The following CHD1 variants were observed in gnomAD, a reference collection of about 807,000 sequenced individuals.
CHD1 encodes the protein ATP-dependent chromatin remodeler CHD1.
Under a neutral mutation model 224.2 loss-of-function variants are expected in CHD1, and 36 were observed. The observed-to-expected ratio is 0.16, with a 90% confidence interval of 0.12 to 0.21. The LOEUF is 0.21. CHD1 is among the 10% of genes least tolerant of loss of function. The pLI, the probability that CHD1 is intolerant of heterozygous loss-of-function variation, is 1.00. For synonymous variants in CHD1, 668 were observed against 658.3 expected (o/e 1.01, Z -0.23); for missense variants, 1,378 against 1,994.8 (o/e 0.69, Z 5.89).
intron 3 of CHD1, among the ~76,000 whole-genome samples, chr5:98,904,484 A>G (rs985014331): frequency 2.0e-5 from 3 of 152,232 alleles, no homozygotes; most frequent in Admixed American, 6.5e-5. Flanking sequence ...ATCTTTGAGG[A>G]ATCTGAGTTC....
rs1233001592 is a variant in CHD1, at chr5:98,897,176, A to G, written c.1493+17T>C. The G allele has an allele frequency of 6.2e-7, 1 of 1,603,436 alleles. No homozygotes were observed. The highest frequency in any genetic ancestry group is 8.5e-7 in the Non-Finnish European group (1 of 1,175,196). ...CTTACTCTGTCAAATTAAATAGATG[A>G]TTCAAAATATACTTACTTGCACCAA... On this transcript the variant is annotated intron_variant, in intron 11 of 35. Coordinates refer to ENST00000614616, the MANE Select transcript of CHD1 (RefSeq NM_001270.4).
Position 98,863,730 on chromosome 5 carries a change from A to T in CHD1, c.4249-144T>A, listed in dbSNP as rs929070796. 9.0e-6 allele frequency: 5 copies of T among 552,614 alleles called. No individual in the cohort carries two copies. In the Admixed American group the frequency reaches 1.6e-4, roughly 18 times the overall value. 34.2% of individuals were successfully genotyped at this position (552,614 alleles called of 1,614,324 possible). A position where few individuals can be genotyped will look rare whatever the true frequency, so the allele number is the denominator to read the frequency against. On this transcript the variant is annotated intron_variant, in intron 31 of 35. Transcript: ENST00000614616. The stretch of plus-strand genomic sequence containing the variant: ...ATAAGCAATTAAATCTCACTTCACA[A>T]ATCTTATACATCAGGGTTCTTTCCC...
intron 32 of CHD1, among the ~76,000 whole-genome samples, chr5:98,861,668 CTTTTTTT>C (rs758149488): frequency 3.6e-5 from 5 of 139,970 alleles, no homozygotes; most frequent in Non-Finnish European, 6.3e-5. Context: ...TGCCCGACTA[CTTTTTTT>C]TTTTTTTTTG....
At chr5:98,875,332 A>C (rs1561495220) in intron 24 of CHD1, among the ~76,000 whole-genome samples, 1 of 152,190 alleles carries the variant, frequency 6.6e-6, no homozygotes, top group African/African-American at 2.4e-5. Context: ...TGATGTTTAG[A>C]TATCAGTATA....
chr5:98,860,348 CAA>C (rs1040023241), intron 32 of CHD1: 2 of 351,862 alleles, frequency 5.7e-6, no homozygotes, highest in South Asian at 2.5e-5. Context: ...TGAAATGCAC[CAA>C]AGACATAAAT....
intron 33 of CHD1, among the ~76,000 whole-genome samples, chr5:98,859,703 T>C (rs1038534224): frequency 6.6e-6 from 1 of 152,116 alleles, no homozygotes; most frequent in African/African-American, 2.4e-5. Flanking sequence ...TTAAGGTGGG[T>C]CAGGCAAGTT....
chr5:98,899,374 A>G, intron 8 of CHD1, 106 bp downstream of exon 8: 1 of 733,872 alleles, frequency 1.4e-6, no homozygotes, highest in Non-Finnish European at 2.2e-6. Flanking sequence ...TAAAGTCTAT[A>G]GCTATTTTAG....
At chr5:98,913,753 G>T (rs2112600799) in intron 2 of CHD1, among the ~76,000 whole-genome samples, 1 of 151,432 alleles carries the variant, frequency 6.6e-6, no homozygotes, top group East Asian at 1.9e-4. Flanking sequence ...CCAGATATTA[G>T]GTTCTTATTT....
chr5:98,901,157 C>G, intron 6 of CHD1, 29 bp downstream of exon 6: 1 of 1,588,026 alleles, frequency 6.3e-7, no homozygotes, highest in Non-Finnish European at 8.5e-7. Context: ...TTTCCACAAT[C>G]AATTTTCAGC....
At chr5:98,909,230 T>G (rs189099715) in intron 2 of CHD1, among the ~76,000 whole-genome samples, 1 of 152,318 alleles carries the variant, frequency 6.6e-6, no homozygotes, top group Admixed American at 6.5e-5. Flanking sequence ...CTTCCACTCT[T>G]CTGCTTTCCA....
intron 23 of CHD1, 139 bp downstream of exon 23, chr5:98,879,413 T>G: frequency 1.6e-6 from 1 of 622,704 alleles, no homozygotes. Flanking sequence ...TCTCAACTCA[T>G]TTCATGAGGC....
In CHD1 at chr5:98,899,703, T is replaced by C; in HGVS notation, c.862A>G (p.Thr288Ala). 6.2e-7 allele frequency: 1 copy of C among 1,607,850 alleles called. No homozygotes were observed. Among genetic ancestry groups the C allele is most frequent in the Non-Finnish European group, 8.5e-7 (1 of 1,176,000 alleles). ...MDCRIGRKGATGATTTIYAVE... is the reference protein window; with the variant it reads ...MDCRIGRKGAAGATTTIYAVE... ...GCATAGATGGTTGTAGTAGCACCAG[T>C]AGCTGAAAACAAAAGCACAAGATCC... Residue 288 changes from threonine to alanine, a missense_variant and splice_region_variant, in exon 8 of 36, where the codon ACT (threonine) becomes GCT (alanine). By Grantham distance (58) the Thr-to-Ala change is moderately conservative. Transcript: ENST00000614616.
Position 98,897,255 on chromosome 5 carries a change from C to T in CHD1, c.1431G>A (p.Glu477=), listed in dbSNP as rs1382129092. The change falls in exon 11 of 36, where the codon GAG becomes GAA. Residue 477 remains glutamate (E), a synonymous_variant. Coordinates refer to ENST00000614616, the MANE Select transcript of CHD1 (RefSeq NM_001270.4). Reference sequence around the variant, plus strand: ...GTTGATAATCTCTTAATTCTAAGCCCTCATGTCCTCCAATATAGGATGGCT... The same window carrying T: ...GTTGATAATCTCTTAATTCTAAGCCTTCATGTCCTCCAATATAGGATGGCT... ...KKQPSYIGGH[E]GLELRDYQLN... The T allele has an allele frequency of 3.7e-6, 6 of 1,612,288 alleles. No individual in the cohort carries two copies. The highest frequency in any genetic ancestry group is 1.3e-5 in the African/African-American group (1 of 74,862).
chr5:98,905,232 G>A, intron 2 of CHD1, 134 bp from the exon 3 acceptor site: 1 of 1,015,482 alleles, frequency 9.8e-7, no homozygotes, highest in Non-Finnish European at 1.4e-6. Context: ...CCAAAAAAAA[G>A]AAAAAGGAAT....
chr5:98,904,218 G>C (rs917247065), intron 3 of CHD1, among the ~76,000 whole-genome samples: 2 of 152,146 alleles, frequency 1.3e-5, no homozygotes, highest in East Asian at 3.9e-4. Context: ...GTGAGGTGAA[G>C]AGGCTGAGTC....
chr5:98,901,422 T>C (rs1751704310), intron 5 of CHD1, 87 bp from the exon 6 acceptor site: 2 of 1,009,888 alleles, frequency 2.0e-6, no homozygotes, highest in Admixed American at 2.8e-5. Context: ...TCAACCAAAC[T>C]ATATTCGCTA....
intron 2 of CHD1, among the ~76,000 whole-genome samples, chr5:98,923,314 T>C (rs1016350055): frequency 3.9e-5 from 6 of 152,168 alleles, no homozygotes; most frequent in South Asian, 2.1e-4. Flanking sequence ...AAAACCTGTA[T>C]AGCAGAATTA....
chr5:98,913,493 C>T (rs1481154956), intron 2 of CHD1, among the ~76,000 whole-genome samples: 1 of 152,080 alleles, frequency 6.6e-6, no homozygotes, highest in Non-Finnish European at 1.5e-5. Flanking sequence ...GGGAGGCAGC[C>T]TTCTTTTAGG....
rs764753335 is a variant in CHD1 at position 98,904,877 on chromosome 5, T to C, written c.255+20A>G. On this transcript the variant is annotated intron_variant, in intron 3 of 35. Coordinates refer to ENST00000614616, the MANE Select transcript of CHD1 (RefSeq NM_001270.4). ...AGTAATACAAGCAATCTACCTTTCA[T>C]TGGGTATTTTATTGATTACCTCAGC... is the stretch of plus-strand genomic sequence containing the variant. The C allele has an allele frequency of 3.1e-6, 5 of 1,610,604 alleles. No homozygotes were observed. The highest frequency in any genetic ancestry group is 1.3e-5 in the African/African-American group (1 of 74,884).
Sources: gnomAD v4.1 joint callset for allele counts (sites outside exome capture counted in the v4.1 genomes callset) on GRCh38, gnomAD v4.1.1 for gene constraint, MANE v1.5 for transcripts, NCBI Gene and HGNC (gene_info 2026-07-23, HGNC 2026-07-21) for gene names.